The following DDX4 variants were observed in gnomAD, a reference collection of about 807,000 sequenced individuals.
DDX4 encodes probable ATP-dependent RNA helicase DDX4.
In DDX4, 25 loss-of-function variants were observed where a neutral mutation model predicts 100.0. The ratio of observed to expected loss-of-function variants is 0.25; its 90% CI spans 0.18 to 0.35. DDX4 has a LOEUF of 0.35. Ranked by LOEUF, DDX4 falls within the 10% of genes least tolerant of loss-of-function variation. The probability of loss-of-function intolerance (pLI) is 1.00; values close to 1 mark genes in which losing one functional copy is unlikely to be tolerated. For synonymous variants in DDX4, 259 were observed against 275.7 expected (o/e 0.94, Z 0.60); for missense variants, 635 against 882.4 (o/e 0.72, Z 3.55).
chr5:55,791,459 A>G (rs1311305017), intron 16 of DDX4, among the ~76,000 whole-genome samples: 1 of 152,186 alleles, frequency 6.6e-6, no homozygotes, highest in Admixed American at 6.5e-5. Context: ...TACCAAAATC[A>G]CTTTGCAAGT....
At chr5:55,758,917 C>A (rs1760114537) in intron 3 of DDX4, among the ~76,000 whole-genome samples, 1 of 137,826 alleles carries the variant, frequency 7.3e-6, no homozygotes, top group South Asian at 2.6e-4. Flanking sequence ...CAGACAAGGT[C>A]TCTTTCTGTT....
At chr5:55,777,563 C>G (rs148338916) in intron 7 of DDX4, 1 of 152,112 alleles carries the variant, frequency 6.6e-6, no homozygotes, top group Non-Finnish European at 1.5e-5. Context: ...GGGAGACTGC[C>G]TAGGAATACT....
intron 17 of DDX4, among the ~76,000 whole-genome samples, chr5:55,794,333 G>A (rs1217243206): frequency 3.3e-5 from 5 of 150,546 alleles, no homozygotes; most frequent in East Asian, 2.0e-4. Flanking sequence ...GATTACAGGC[G>A]CCTGCCACCA....
intron 2 of DDX4, among the ~76,000 whole-genome samples, chr5:55,742,411 A>G (rs1317141768): frequency 6.6e-6 from 1 of 152,204 alleles, no homozygotes; most frequent in African/African-American, 2.4e-5. Flanking sequence ...GTTAAAGTGG[A>G]AACAGTAATT....
chr5:55,740,643 C>G (rs1183019254), intron 2 of DDX4, among the ~76,000 whole-genome samples: 1 of 149,802 alleles, frequency 6.7e-6, no homozygotes, highest in African/African-American at 2.5e-5. Context: ...GTAGCTGGGA[C>G]TACACGTGTG....
intron 3 of DDX4, among the ~76,000 whole-genome samples, chr5:55,752,236 GGTTA>G (rs1357974465): frequency 2.0e-5 from 3 of 149,644 alleles, no homozygotes; most frequent in Non-Finnish European, 3.0e-5. Context: ...ACATTGTGCA[GGTTA>G]GTTACATATG....
chr5:55,748,896 A>ATGTTTTGTTTT (rs1759388635), intron 3 of DDX4, among the ~76,000 whole-genome samples: 1 of 152,182 alleles, frequency 6.6e-6, no homozygotes, highest in African/African-American at 2.4e-5. Context: ...TTTTTTATAA[A>ATGTTTTGTTTT]TACTTGTCTT....
rs369393439 is a variant in DDX4 at position 55,739,036 on chromosome 5, A to G, written c.69+4A>G. The G allele has an allele frequency of 1.6e-5, 25 of 1,546,606 alleles. No homozygotes were observed. Among genetic ancestry groups the G allele is most frequent in the African/African-American group, 9.6e-5 (7 of 73,288 alleles). On this transcript the variant is annotated splice_donor_region_variant and intron_variant, in intron 2 of 21. Coordinates refer to ENST00000505374, the MANE Select transcript of DDX4 (RefSeq NM_024415.3). ...CTATGTTCCCATATTTGAGAAGGTAATAACATTTAAAGTTTAGTTATTAAA... is the reference window on the plus strand; with the variant it reads ...CTATGTTCCCATATTTGAGAAGGTAGTAACATTTAAAGTTTAGTTATTAAA...
At chr5:55,793,056 T>G (rs184122242) in intron 17 of DDX4, among the ~76,000 whole-genome samples, 14,563 of 135,006 alleles carry the variant, frequency 0.11, 1,121 homozygotes, top group East Asian at 0.29. Flanking sequence ...GTGTGTGTGT[T>G]TGTGTGTGTT....
chr5:55,792,888 T>C (rs1742668262), intron 17 of DDX4, 81 bp downstream of exon 17: 3 of 852,118 alleles, frequency 3.5e-6, no homozygotes, highest in Non-Finnish European at 4.6e-6. Flanking sequence ...GAATATCCTA[T>C]TTTTAGAGAT....
chr5:55,745,519 C>T (rs1488642535), intron 2 of DDX4, among the ~76,000 whole-genome samples: 6 of 151,988 alleles, frequency 3.9e-5, no homozygotes, highest in Admixed American at 3.3e-4. Context: ...GCCTCCCAGG[C>T]GAAGTGAACC....
Position 55,781,967 on chromosome 5 carries a change from G to A in DDX4, c.611G>A (p.Ser204Asn). ...GATACTTCTCAAAGCAGAAGTGGCA[G>A]TGGAAGTGAACGAGGTAAGTTCTTA... Reference protein sequence around the residue: ...NGDTSQSRSGSGSERGGYKGL... With the variant: ...NGDTSQSRSGNGSERGGYKGL... The change falls in exon 10 of 22, where the codon AGT becomes AAT. Residue 204 changes from serine to asparagine, a missense_variant. Ser to Asn is a conservative substitution (Grantham distance 46). Transcript: ENST00000505374. 1 of 1,614,052 alleles carries A rather than the reference G, an allele frequency of 6.2e-7. No homozygotes were observed. Among genetic ancestry groups the A allele is most frequent in the Non-Finnish European group, 8.5e-7 (1 of 1,179,990 alleles).
intron 7 of DDX4, among the ~76,000 whole-genome samples, chr5:55,772,075 T>G (rs1221089007): frequency 6.6e-6 from 1 of 151,970 alleles, no homozygotes; most frequent in Non-Finnish European, 1.5e-5. Context: ...AAAAATTAGC[T>G]GGGCGCATGC....
chr5:55,746,336 TGA>T (rs1759248235), intron 3 of DDX4, 115 bp downstream of exon 3: 1 of 775,222 alleles, frequency 1.3e-6, no homozygotes, highest in Admixed American at 3.1e-5. Context: ...AATTTCTTAG[TGA>T]AAGTTCCTTC....
chr5:55,806,896 C>T (rs567035280), intron 18 of DDX4, among the ~76,000 whole-genome samples: 23 of 151,154 alleles, frequency 1.5e-4, no homozygotes, highest in Admixed American at 2.6e-4. Flanking sequence ...CTTTCTGTCT[C>T]GATCTGTCTA....
At chr5:55,770,279 T>C (rs576138237) in intron 7 of DDX4, among the ~76,000 whole-genome samples, 5 of 152,148 alleles carry the variant, frequency 3.3e-5, no homozygotes, top group Non-Finnish European at 7.4e-5. Flanking sequence ...TCTTGGTCAG[T>C]TGCAATTTAG....
At position 55,790,698 on chromosome 5, in the gene DDX4, A is replaced by G. The variant is rs866090469; in HGVS notation, c.1295A>G (p.Lys432Arg). Reference sequence around the variant, plus strand: ...GGAAGACTGATGGATATCATAGGCAAAGAAAAGGTACGCCTTATAGGAATA... The same window carrying G: ...GGAAGACTGATGGATATCATAGGCAGAGAAAAGGTACGCCTTATAGGAATA... Reference protein sequence around the residue: ...TPGRLMDIIGKEKIGLKQIKY... With the variant: ...TPGRLMDIIGREKIGLKQIKY... The change falls in exon 16 of 22, where the codon AAA becomes AGA. Residue 432 changes from lysine (K) to arginine (R), a missense_variant. This residue lies in a region of DDX4 where 446 missense variants were observed against 540.8 expected (regional missense o/e 0.82). Transcript: ENST00000505374. 1 of 1,612,002 alleles carries G rather than the reference A, an allele frequency of 6.2e-7. No homozygotes were observed. The highest frequency in any genetic ancestry group is 1.3e-5 in the African/African-American group (1 of 74,964).
intron 18 of DDX4, among the ~76,000 whole-genome samples, chr5:55,811,713 G>A (rs1231814742): frequency 2.0e-5 from 3 of 152,192 alleles, no homozygotes. Flanking sequence ...ATTGGGAGCA[G>A]GGAGATGGGA....
At chr5:55,813,552 G>A in intron 18 of DDX4, 121 bp from the exon 19 acceptor site, 3 of 1,324,550 alleles carry the variant, frequency 2.3e-6, no homozygotes, top group Non-Finnish European at 2.0e-6. Flanking sequence ...CTTGGCTGTG[G>A]TGCTGGTAGT....
Sources: gnomAD v4.1 joint callset for allele counts (sites outside exome capture counted in the v4.1 genomes callset) on GRCh38, gnomAD v4.1.1 for gene constraint, gnomAD v4.1.1 regional missense constraint, MANE v1.5 for transcripts, NCBI Gene and HGNC (gene_info 2026-07-23, HGNC 2026-07-21) for gene names.